The following DIAPH2 variants were observed in gnomAD, a reference collection of about 807,000 sequenced individuals.
DIAPH2 encodes diaphanous related formin 2.
In DIAPH2, 35 loss-of-function variants were observed where a neutral mutation model predicts 92.7. That is an observed-to-expected ratio of 0.38 (90% CI 0.29 to 0.50). DIAPH2 has a LOEUF of 0.50. DIAPH2 is among the 20% of genes least tolerant of loss of function. The pLI, the probability that DIAPH2 is intolerant of heterozygous loss-of-function variation, is 0.94. For missense variants in DIAPH2, 701 were observed against 819.5 expected (o/e 0.86, Z 1.77); for synonymous variants, 301 against 280.4 (o/e 1.07, Z -0.73).
At chrX:97,365,046 T>C (rs1428023870) in intron 24 of DIAPH2, among the ~76,000 whole-genome samples, 1 of 111,126 alleles carries the variant, frequency 9.0e-6, no homozygotes, top group Non-Finnish European at 1.9e-5. Flanking sequence ...TGGCTGATGG[T>C]ACAACTTGAT....
chrX:97,140,500 G>A (rs1341357616), intron 21 of DIAPH2, among the ~76,000 whole-genome samples: 1 of 111,652 alleles, frequency 9.0e-6, no homozygotes, highest in Non-Finnish European at 1.9e-5. Context: ...AGTAATCCCC[G>A]AAATTTTGAA....
intron 17 of DIAPH2, among the ~76,000 whole-genome samples, chrX:96,993,954 T>G (rs2066088461): frequency 9.0e-6 from 1 of 110,927 alleles, no homozygotes; most frequent in Non-Finnish European, 1.9e-5. Flanking sequence ...GCATGGAATG[T>G]TTGGTTGGAG....
At chrX:97,109,936 A>G (rs907584634) in intron 20 of DIAPH2, among the ~76,000 whole-genome samples, 16 of 111,920 alleles carry the variant, frequency 1.4e-4, no homozygotes, top group Admixed American at 1.3e-3. Context: ...CTTACAGTAT[A>G]CAACTTCTTC....
chrX:97,422,286 G>GT (rs954545660), intron 25 of DIAPH2, among the ~76,000 whole-genome samples: 137 of 105,776 alleles, frequency 1.3e-3, no homozygotes, highest in East Asian at 3.3e-3. Flanking sequence ...AGTATGATCT[G>GT]TTTTTTTTTT....
chrX:96,784,943 G>T (rs948570919), intron 4 of DIAPH2, among the ~76,000 whole-genome samples: 1 of 112,179 alleles, frequency 8.9e-6, no homozygotes, highest in African/African-American at 3.2e-5. Flanking sequence ...GGTTAAGAAG[G>T]CAATCTCTGG....
At chrX:97,089,734 AT>A (rs1197107820) in intron 19 of DIAPH2, among the ~76,000 whole-genome samples, 5 of 106,748 alleles carry the variant, frequency 4.7e-5, no homozygotes, top group Admixed American at 1.0e-4. Flanking sequence ...ATTTTATTTT[AT>A]TTTTTTTTTG....
At chrX:97,394,461 CTA>C (rs2069687250) in intron 25 of DIAPH2, among the ~76,000 whole-genome samples, 1 of 111,143 alleles carries the variant, frequency 9.0e-6, no homozygotes, top group Admixed American at 9.6e-5. Context: ...TTCAAGAAAT[CTA>C]TGTTTATATA....
intron 8 of DIAPH2, among the ~76,000 whole-genome samples, chrX:96,918,098 G>C (rs1361180512): frequency 9.0e-6 from 1 of 110,846 alleles, no homozygotes; most frequent in Non-Finnish European, 1.9e-5. Flanking sequence ...TTGCCTTAAA[G>C]AAATATACGG....
intron 24 of DIAPH2, among the ~76,000 whole-genome samples, chrX:97,363,040 T>C (rs2069340466): frequency 8.9e-6 from 1 of 112,549 alleles, no homozygotes; most frequent in South Asian, 3.6e-4. Context: ...CCTTATGTGA[T>C]GTAGAAGAAA....
intron 24 of DIAPH2, among the ~76,000 whole-genome samples, chrX:97,357,470 C>T (rs1186852466): frequency 9.5e-6 from 1 of 105,792 alleles, no homozygotes; most frequent in African/African-American, 3.4e-5. Context: ...TTCTTCTCCC[C>T]CCTCCTTCCA....
intron 10 of DIAPH2, among the ~76,000 whole-genome samples, chrX:96,935,591 AT>A (rs1279050104): frequency 1.8e-5 from 2 of 111,340 alleles, no homozygotes; most frequent in Non-Finnish European, 3.8e-5. Flanking sequence ...CTGGAGCATT[AT>A]TAATAAAGAA....
At chrX:97,163,878 T>G (rs1046168158) in intron 22 of DIAPH2, among the ~76,000 whole-genome samples, 10 of 112,618 alleles carry the variant, frequency 8.9e-5, no homozygotes, top group Admixed American at 9.4e-5. Flanking sequence ...CTTGGCTTTT[T>G]TCTTTAAGTT....
At chrX:97,465,273 C>CACACACACACACACACACA (rs1569404531) in intron 26 of DIAPH2, among the ~76,000 whole-genome samples, 2 of 106,848 alleles carry the variant, frequency 1.9e-5, no homozygotes, top group Admixed American at 1.0e-4. Context: ...TAGAATTCAC[C>CACACACACACACACACACA]CACACACACA....
intron 26 of DIAPH2, among the ~76,000 whole-genome samples, chrX:97,497,157 T>TA (rs1444391445): frequency 2.7e-5 from 3 of 111,398 alleles, no homozygotes; most frequent in Non-Finnish European, 5.7e-5. Context: ...GGAAAGGTGG[T>TA]AAGCTGAACA....
At chrX:97,423,774 A>C (rs184690092) in intron 25 of DIAPH2, among the ~76,000 whole-genome samples, 1 of 111,979 alleles carries the variant, frequency 8.9e-6, no homozygotes, top group African/African-American at 3.2e-5. Flanking sequence ...TTCCCTTGAT[A>C]TTCTTTCACT....
At chrX:97,597,630 A>T (rs1014440125) in intron 26 of DIAPH2, among the ~76,000 whole-genome samples, 1 of 112,023 alleles carries the variant, frequency 8.9e-6, no homozygotes, top group Non-Finnish European at 1.9e-5. Flanking sequence ...GAATACTTTC[A>T]TGCTAGCAAT....
intron 17 of DIAPH2, among the ~76,000 whole-genome samples, chrX:96,991,118 C>G (rs1285978167): frequency 9.8e-6 from 1 of 102,033 alleles, no homozygotes; most frequent in Non-Finnish European, 2.0e-5. Context: ...ATTAGTCCCT[C>G]TTTTTTTTTT....
chrX:97,207,492 A>G (rs1200459230), intron 22 of DIAPH2, among the ~76,000 whole-genome samples: 1 of 111,847 alleles, frequency 8.9e-6, no homozygotes, highest in Non-Finnish European at 1.9e-5. Context: ...AGGACTTTAT[A>G]TGAATTAATT....
intron 4 of DIAPH2, among the ~76,000 whole-genome samples, chrX:96,773,686 CTAA>C (rs1386647918): frequency 1.8e-5 from 2 of 110,770 alleles, no homozygotes; most frequent in East Asian, 5.7e-4. Context: ...CCCATCTCTA[CTAA>C]TAATATCAAA....
Sources: gnomAD v4.1 joint callset for allele counts (sites outside exome capture counted in the v4.1 genomes callset) on GRCh38, gnomAD v4.1.1 for gene constraint, MANE v1.5 for transcripts, NCBI Gene and HGNC (gene_info 2026-07-23, HGNC 2026-07-21) for gene names.